Variants in SMIM22 observed in about 807,000 individuals in gnomAD.
The protein encoded by SMIM22 is cancer associated small integral membrane open reading frame 1.
Under a neutral mutation model 8.4 loss-of-function variants are expected in SMIM22, and 16 were observed. The observed-to-expected ratio is 1.90, with a 90% CI of 1.29 to 2.89. The LOEUF is 2.89. Among genes scored for constraint, SMIM22 ranks in the 30% most tolerant of loss-of-function variants. The pLI, the probability that SMIM22 is intolerant of heterozygous loss-of-function variation, is 0.00. For missense variants in SMIM22, 159 were observed against 107.5 expected (o/e 1.48, Z -2.12); for synonymous variants, 67 against 47.6 (o/e 1.41, Z -1.68).
In SMIM22 at chr16:4,796,472, C is replaced by A; in HGVS notation, c.*241C>A. On this transcript the variant is annotated 3_prime_UTR_variant, in exon 4 of 4. Coordinates refer to ENST00000586005, the MANE Select transcript of SMIM22 (RefSeq NM_001253794.2). ...GTGGCTCACACCTATAATCCCAGCA[C>A]TTTGGGAGGCCGAGGTGGGCGGATC... is the stretch of plus-strand genomic sequence containing the variant. 1 of 530,960 alleles carries A rather than the reference C, an allele frequency of 1.9e-6. No homozygotes were observed. Among genetic ancestry groups the A allele is most frequent in the South Asian group, 2.2e-5 (1 of 45,986 alleles). The allele number at this position is 530,960 out of a possible 1,614,324, so 32.9% of individuals were successfully genotyped here. A position where few individuals can be genotyped will look rare whatever the true frequency, so the allele number is the denominator to read the frequency against.
intron 2 of SMIM22, among the ~76,000 whole-genome samples, chr16:4,789,278 T>G (rs971947002): frequency 1.3e-5 from 2 of 152,080 alleles, no homozygotes; most frequent in African/African-American, 4.8e-5. Flanking sequence ...TCCCAAAGTG[T>G]TGGGATTAGT....
intron 2 of SMIM22, chr16:4,790,127 T>C (rs1415439941): frequency 1.3e-5 from 2 of 151,972 alleles, no homozygotes; most frequent in Admixed American, 1.3e-4. Flanking sequence ...TTGCCCAAGA[T>C]TGTCTTGAAC....
chr16:4,793,474 A>G (rs2082585144), upstream of SMIM22, among the ~76,000 whole-genome samples: 2 of 152,192 alleles, frequency 1.3e-5, no homozygotes, highest in Non-Finnish European at 2.9e-5. Context: ...AAAAGCAATA[A>G]TACCCACTTT....
chr16:4,792,174 G>T (rs1202294329), upstream of SMIM22, among the ~76,000 whole-genome samples: 2 of 152,022 alleles, frequency 1.3e-5, no homozygotes, highest in East Asian at 3.9e-4. Flanking sequence ...TGGAGCAGGG[G>T]CCACAGTTGT....
rs1260623485 is a variant in SMIM22, at chr16:4,796,286, G to C, written c.*55G>C. On this transcript the variant is annotated 3_prime_UTR_variant, in exon 4 of 4. Transcript: ENST00000586005. ...AAAGCCTTCTGTCTGCCCAGAGCCT[G>C]AGTCTGCAGTGTCTTCCAGTCCCCG... 2.0e-6 allele frequency: 3 copies of C among 1,527,726 alleles called. No individual in the cohort carries two copies. The highest frequency in any genetic ancestry group is 2.0e-5 in the Admixed American group (1 of 50,538). The allele number at this position is 1,527,726 out of a possible 1,614,324, so 94.6% of individuals were successfully genotyped here. A position where few individuals can be genotyped will look rare whatever the true frequency, so the allele number is the denominator to read the frequency against.
chr16:4,792,292 G>A (rs2082562923), upstream of SMIM22, among the ~76,000 whole-genome samples: 2 of 151,548 alleles, frequency 1.3e-5, no homozygotes, highest in African/African-American at 2.4e-5. Context: ...CCGGGTTCAT[G>A]CCATTCTCCT....
Position 4,795,959 on chromosome 16 carries a change from C to T in SMIM22, c.136C>T (p.Leu46Phe). The change falls in exon 3 of 4, where the codon CTC becomes TTC. Residue 46 changes from leucine (L) to phenylalanine (F), a missense_variant. Physicochemically the swap from Leu to Phe is conservative, Grantham distance 22. Transcript: ENST00000586005. ...VFLTFMGTVL[L>F]LLLLVVAHCC... ...TGTCCTGTCCCCAGGCACCGTGCTG[C>T]TCCTGCTGCTGCTGGTCGTCGCCCA... 6.6e-7 allele frequency: 1 copy of T among 1,508,244 alleles called. No individual in the cohort carries two copies. Among genetic ancestry groups the T allele is most frequent in the Non-Finnish European group, 8.8e-7 (1 of 1,132,476 alleles). The allele number at this position is 1,508,244 out of a possible 1,614,324, so 93.4% of individuals were successfully genotyped here.
chr16:4,796,370 G>A lies in SMIM22; in HGVS notation c.*139G>A. ...TCAGGTGGCCACCTGGCCTCTCCAA[G>A]CCTTCAGTCAGCACGACTGTGCCAG... On this transcript the variant is annotated 3_prime_UTR_variant, in exon 4 of 4. Coordinates refer to ENST00000586005, the MANE Select transcript of SMIM22 (RefSeq NM_001253794.2). The A allele has an allele frequency of 2.1e-6, 2 of 973,154 alleles. No individual in the cohort carries two copies. The highest frequency in any genetic ancestry group is 3.0e-6 in the Non-Finnish European group (2 of 664,052). 60.3% of individuals were successfully genotyped at this position (973,154 alleles called of 1,614,324 possible).
At chr16:4,795,590 G>GTAGATCTCGGTGGTCGCC in intron 1 of SMIM22, 125 bp from the exon 2 acceptor site, 1 of 1,189,274 alleles carries the variant, frequency 8.4e-7, no homozygotes. Context: ...GAAGTGGAGT[G>GTAGATCTCGGTGGTCGCC]GGAGGGGGTG....
upstream of SMIM22, among the ~76,000 whole-genome samples, chr16:4,791,969 G>C (rs1241745251): frequency 6.6e-6 from 1 of 152,136 alleles, no homozygotes; most frequent in Admixed American, 6.6e-5. Context: ...TTACTGGTGT[G>C]AGCCACCGCG....
chr16:4,792,253 T>C (rs1037005091), upstream of SMIM22, among the ~76,000 whole-genome samples: 24 of 149,582 alleles, frequency 1.6e-4, no homozygotes, highest in South Asian at 1.1e-3. Flanking sequence ...TGCAGTGGCG[T>C]GATCTCGGCT....
chr16:4,796,335 G>A lies in SMIM22; in HGVS notation c.*104G>A, dbSNP rs62036088. 348,250 of 1,382,480 alleles carry A rather than the reference G, an allele frequency of 0.25. 45,687 individuals carry two copies. Among genetic ancestry groups the A allele is most frequent in the South Asian group, 0.39 (28,450 of 72,932 alleles). The allele number at this position is 1,382,480 out of a possible 1,614,324, so 85.6% of individuals were successfully genotyped here. A position where few individuals can be genotyped will look rare whatever the true frequency, so the allele number is the denominator to read the frequency against. ...CGTCTGGGTGGGTGACGCGGGACTC[G>A]CCGCCCCACTCAGGTGGCCACCTGG... On this transcript the variant is annotated 3_prime_UTR_variant, in exon 4 of 4. Transcript: ENST00000586005.
upstream of SMIM22, among the ~76,000 whole-genome samples, chr16:4,790,656 C>T (rs932589584): frequency 6.6e-5 from 10 of 152,090 alleles, no homozygotes; most frequent in African/African-American, 1.4e-4. Flanking sequence ...GGCTTGGTGG[C>T]GGGCACCTGT....
At chr16:4,792,162 G>C (rs2082560217), upstream of SMIM22, among the ~76,000 whole-genome samples, 1 of 152,082 alleles carries the variant, frequency 6.6e-6, no homozygotes, top group African/African-American at 2.4e-5. Context: ...CAGGCCAAGA[G>C]CTGGAGCAGG....
At position 4,795,430 on chromosome 16, in the gene SMIM22, G is replaced by T; in HGVS notation, c.-40G>T. 1 of 396,688 alleles carries T rather than the reference G, an allele frequency of 2.5e-6. No homozygotes were observed. The allele number at this position is 396,688 out of a possible 1,614,324, so 24.6% of individuals were successfully genotyped here. A position where few individuals can be genotyped will look rare whatever the true frequency, so the allele number is the denominator to read the frequency against. On this transcript the variant is annotated 5_prime_UTR_variant, in exon 1 of 4. Coordinates refer to ENST00000586005, the MANE Select transcript of SMIM22 (RefSeq NM_001253794.2). ...CTCCCCAGGACCTGCCTGGTTGGGG[G>T]AATTGGAGGCTTCTAGGAGGTAGGT...
chr16:4,792,521 G>C (rs1220692016), upstream of SMIM22, among the ~76,000 whole-genome samples: 6 of 149,178 alleles, frequency 4.0e-5, no homozygotes, highest in Admixed American at 4.0e-4. Flanking sequence ...AAGTATGTCT[G>C]CTGGGCGCGG....
rs1567592452 is a variant in SMIM22 at position 4,796,252 on chromosome 16, GGCAGTAACAAAGCCTTCTGTCTGCCCAGA to G, written c.*24_*52del. The stretch of plus-strand genomic sequence containing the variant: ...CCTGACCCTGTGTCTCCTGCCCGGT[GGCAGTAACAAAGCCTTCTGTCTGCCCAGA>G]GCCTGAGTCTGCAGTGTCTTCCAGT... On this transcript the variant is annotated 3_prime_UTR_variant, in exon 4 of 4. Coordinates refer to ENST00000586005, the MANE Select transcript of SMIM22 (RefSeq NM_001253794.2). The G allele has an allele frequency of 6.5e-7, 1 of 1,535,308 alleles. No individual in the cohort carries two copies.
chr16:4,795,312 C>T (rs1338889713), upstream of SMIM22: 7 of 194,168 alleles, frequency 3.6e-5, no homozygotes, highest in South Asian at 4.3e-4. Context: ...GCCCTCTCCC[C>T]TGGGCTGGGC....
rs753817055 is a variant in SMIM22 at position 4,795,963 on chromosome 16, T to A, written c.140T>A (p.Leu47Gln). Residue 47 changes from leucine to glutamine, a missense_variant, in exon 3 of 4, where the codon CTG (leucine) becomes CAG (glutamine). Physicochemically the swap from Leu to Gln is moderately radical, Grantham distance 113. Transcript: ENST00000586005. ...CTGTCCCCAGGCACCGTGCTGCTCC[T>A]GCTGCTGCTGGTCGTCGCCCACTGC... ...FLTFMGTVLL[L>Q]LLLVVAHCCC... 11 of 1,504,684 alleles carry A rather than the reference T, an allele frequency of 7.3e-6. No individual in the cohort carries two copies. The highest frequency in any genetic ancestry group is 8.0e-6 in the Non-Finnish European group (9 of 1,130,794). The allele number at this position is 1,504,684 out of a possible 1,614,324, so 93.2% of individuals were successfully genotyped here.
Sources: allele counts gnomAD v4.1 joint callset (sites outside exome capture counted in the v4.1 genomes callset), GRCh38; gene constraint gnomAD v4.1.1; transcripts MANE v1.5; gene names NCBI Gene and HGNC (gene_info 2026-07-23, HGNC 2026-07-21).